The following MYH1 variants were observed in gnomAD, a reference collection of about 807,000 sequenced individuals.
MYH1 encodes myosin heavy chain 1.
A neutral mutation model predicts 225.6 loss-of-function variants in MYH1; 214 were observed. The observed-to-expected ratio is 0.95, with a 90% confidence interval of 0.85 to 1.06. The LOEUF (loss-of-function observed/expected upper bound fraction) is 1.06. MYH1 is among the 50% of genes least tolerant of loss of function. MYH1 has a pLI of 0.00. For missense variants in MYH1, 2,098 were observed against 2,344.2 expected, an observed-to-expected ratio of 0.89 and a Z score of 2.17; for synonymous variants, 774 against 842.3, an observed-to-expected ratio of 0.92 and a Z score of 1.40.
intron 22 of MYH1, among the ~76,000 whole-genome samples, 160 bp from the exon 23 acceptor site, chr17:10,503,408 G>A (rs149393061): frequency 1.4e-4 from 22 of 151,922 alleles, no homozygotes; most frequent in East Asian, 3.9e-4. Context: ...TTATGAGTCC[G>A]GTAATAAAAA....
At chr17:10,498,033 T>C in intron 30 of MYH1, 116 bp from the exon 31 acceptor site, 1 of 1,014,720 alleles carries the variant, frequency 9.9e-7, no homozygotes, top group Non-Finnish European at 1.4e-6. Context: ...TTCTCAAGCT[T>C]GTTTTGTAGG....
At position 10,506,097 on chromosome 17, in the gene MYH1, C is replaced by T. The variant is rs1201642384; in HGVS notation, c.1971G>A (p.Glu657=). 5.0e-6 allele frequency: 8 copies of T among 1,614,182 alleles called. No homozygotes were observed. The highest frequency in any genetic ancestry group is 6.8e-6 in the Non-Finnish European group (8 of 1,180,028). Residue 657 remains glutamate (E), a splice_region_variant and synonymous_variant, in exon 18 of 40, where the codon GAG becomes GAA. Transcript: ENST00000226207. ...AGTTGGTCATCAGCTTATTCAAATT[C>T]TCCTGTGGAACCATGCGAGTTTATA... ...SFQTVSALFR[E]NLNKLMTNLR... is the part of the protein sequence containing the mutation.
chr17:10,515,988 C>T lies in MYH1; in HGVS notation c.443G>A (p.Arg148His), dbSNP rs542085416. The T allele has an allele frequency of 4.6e-5, 75 of 1,614,140 alleles. 1 individual carries two copies. The South Asian group carries it at 5.1e-4, about 11-fold the overall frequency. Residue 148 changes from arginine to histidine, a missense_variant, in exon 5 of 40, where the codon CGC becomes CAC. Physicochemically the swap from Arg to His is conservative, Grantham distance 29. Transcript: ENST00000226207. ...EVVTAYRGKK[R>H]QEAPPHIFSI... ...GAAGATGTGGGGTGGGGCCTCCTGG[C>T]GCTTTTTGCCTCGGTAGGCTGTCAC... is the stretch of plus-strand genomic sequence containing the variant.
chr17:10,511,448 G>T (rs2073169205), intron 14 of MYH1, among the ~76,000 whole-genome samples: 1 of 152,084 alleles, frequency 6.6e-6, no homozygotes, highest in Non-Finnish European at 1.5e-5. Flanking sequence ...TGTTTACTGA[G>T]TGCTGCCTGC....
chr17:10,499,453 T>C (rs573803729), intron 28 of MYH1, among the ~76,000 whole-genome samples: 2 of 152,224 alleles, frequency 1.3e-5, no homozygotes, highest in Non-Finnish European at 2.9e-5. Flanking sequence ...TTGCCTTCCA[T>C]TGAAAGTTGG....
chr17:10,504,661 T>A, intron 22 of MYH1, 149 bp downstream of exon 22: 1 of 955,498 alleles, frequency 1.0e-6, no homozygotes, highest in Non-Finnish European at 1.5e-6. Context: ...TAATATTGTA[T>A]AGGGAATTCT....
Position 10,494,591 on chromosome 17 carries a change from T to C in MYH1, c.5549A>G (p.Lys1850Arg), listed in dbSNP as rs1597433438. ...TACTTGGTAAGTGAGTTCCTTCACTTTTCTCTCATGTTTGCGTAGACCCTT... is the reference window on the plus strand; with the variant it reads ...TACTTGGTAAGTGAGTTCCTTCACTCTTCTCTCATGTTTGCGTAGACCCTT... The part of the protein sequence containing the change: ...AVKGLRKHER[K>R]VKELTYQTEE... The change falls in exon 38 of 40, where the codon AAA (lysine) becomes AGA (arginine). Residue 1850 changes from lysine (K) to arginine (R), a missense_variant. Coordinates refer to ENST00000226207, the MANE Select transcript of MYH1 (RefSeq NM_005963.4). The C allele has an allele frequency of 6.2e-7, 1 of 1,614,032 alleles. No individual in the cohort carries two copies. The highest frequency in any genetic ancestry group is 8.5e-7 in the Non-Finnish European group (1 of 1,179,996).
chr17:10,501,054 T>C, intron 27 of MYH1, 56 bp downstream of exon 27: 5 of 1,593,886 alleles, frequency 3.1e-6, no homozygotes, highest in African/African-American at 1.3e-5. Context: ...CAAATCATAT[T>C]TGTGCTAAAG....
chr17:10,505,563 C>G, intron 19 of MYH1, 52 bp from the exon 20 acceptor site: 1 of 1,597,016 alleles, frequency 6.3e-7, no homozygotes, highest in Non-Finnish European at 8.5e-7. Context: ...GACAAGAAAT[C>G]TTCCTGTCTG....
chr17:10,500,096 A>C (rs1437964048), intron 28 of MYH1, among the ~76,000 whole-genome samples: 5 of 152,198 alleles, frequency 3.3e-5, no homozygotes, highest in African/African-American at 1.2e-4. Context: ...AGTAATTGGC[A>C]AGACTTCAGG....
At chr17:10,495,457 A>G in intron 35 of MYH1, 140 bp from the exon 36 acceptor site, 1 of 1,265,926 alleles carries the variant, frequency 7.9e-7, no homozygotes, top group Admixed American at 2.4e-5. Flanking sequence ...CTGAGTTGAC[A>G]TATGTTTAAA....
At chr17:10,492,846 G>GTAT (rs112227468) in intron 39 of MYH1, among the ~76,000 whole-genome samples, 1 of 146,484 alleles carries the variant, frequency 6.8e-6, no homozygotes, top group East Asian at 2.0e-4. Flanking sequence ...GTCCAGCTTT[G>GTAT]TTTTTTTTTT....
In MYH1 at chr17:10,496,373, G is replaced by A. The variant is rs140601643; in HGVS notation, c.4833C>T (p.Ser1611=). The change falls in exon 34 of 40, where the codon AGC becomes AGT. Residue 1611 remains serine (S), a synonymous_variant. Coordinates refer to ENST00000226207, the MANE Select transcript of MYH1 (RefSeq NM_005963.4). ...MQSTLDAEIR[S]RNDAIRLKKK... Reference sequence around the variant, plus strand: ...TCTTGAGCCTAATGGCATCATTCCTGCTCCTGATCTCAGCATCCAGTGTGC... The same window carrying A: ...TCTTGAGCCTAATGGCATCATTCCTACTCCTGATCTCAGCATCCAGTGTGC... The A allele has an allele frequency of 1.6e-5, 26 of 1,613,964 alleles. No homozygotes were observed. Among genetic ancestry groups the A allele is most frequent in the East Asian group, 8.9e-5 (4 of 44,862 alleles).
rs745836260 is a variant in MYH1 at position 10,496,221 on chromosome 17, C to T, written c.4965+20G>A. ...GCAGGCACCCCAATTGTCCTGGGAT[C>T]ATCTGTTGGACATATTTACCTTGAG... On this transcript the variant is annotated intron_variant, in intron 34 of 39. Coordinates refer to ENST00000226207, the MANE Select transcript of MYH1 (RefSeq NM_005963.4). 7 of 1,614,154 alleles carry T rather than the reference C, an allele frequency of 4.3e-6. No individual in the cohort carries two copies. The highest frequency in any genetic ancestry group is 4.2e-6 in the Non-Finnish European group (5 of 1,180,036).
chr17:10,497,533 G>A, intron 31 of MYH1, 81 bp from the exon 32 acceptor site: 2 of 1,527,482 alleles, frequency 1.3e-6, no homozygotes, highest in Non-Finnish European at 1.7e-6. Context: ...ACCTCTCAGA[G>A]TTGAGGTGTT....
rs1372098778 is a variant in MYH1 at position 10,507,895 on chromosome 17, A to C, written c.1959T>G (p.Ala653=). 1 of 1,613,046 alleles carries C rather than the reference A, an allele frequency of 6.2e-7. No individual in the cohort carries two copies. Among genetic ancestry groups the C allele is most frequent in the Admixed American group, 1.7e-5 (1 of 60,020 alleles). ...KKGSSFQTVS[A]LFRENLNKLM... ...AAAATGAAGTTTGTACCCTGAAGAG[A>C]GCAGACACAGTCTGGAAAGAAGAAC... The change falls in exon 17 of 40, where the codon GCT becomes GCG. Residue 653 remains alanine (A), a synonymous_variant. Coordinates refer to ENST00000226207, the MANE Select transcript of MYH1 (RefSeq NM_005963.4).
In MYH1 at chr17:10,515,984, C is replaced by G; in HGVS notation, c.447G>C (p.Gln149His). 6.2e-7 allele frequency: 1 copy of G among 1,614,154 alleles called. No individual in the cohort carries two copies. The highest frequency in any genetic ancestry group is 8.5e-7 in the Non-Finnish European group (1 of 1,180,022). Residue 149 changes from glutamine to histidine, a missense_variant, in exon 5 of 40, where the codon CAG (glutamine) becomes CAC (histidine). Physicochemically the swap from Gln to His is conservative, Grantham distance 24. Transcript: ENST00000226207. Reference sequence around the variant, plus strand: ...TGGAGAAGATGTGGGGTGGGGCCTCCTGGCGCTTTTTGCCTCGGTAGGCTG... The same window carrying G: ...TGGAGAAGATGTGGGGTGGGGCCTCGTGGCGCTTTTTGCCTCGGTAGGCTG... Reference protein sequence around the residue: ...VVTAYRGKKRQEAPPHIFSIS... With the variant: ...VVTAYRGKKRHEAPPHIFSIS...
Position 10,501,338 on chromosome 17 carries a change from C to T in MYH1, c.3510G>A (p.Lys1170=). The T allele has an allele frequency of 6.2e-7, 1 of 1,614,196 alleles. No homozygotes were observed. Among genetic ancestry groups the T allele is most frequent in the East Asian group, 2.2e-5 (1 of 44,878 alleles). ...ATSAQIEMNK[K]REAEFQKMRR... Reference sequence around the variant, plus strand: ...GCATTTTCTGGAACTCAGCCTCCCGCTTCTTGTTCATCTCAATCTGGGCTG... The same window carrying T: ...GCATTTTCTGGAACTCAGCCTCCCGTTTCTTGTTCATCTCAATCTGGGCTG... The change falls in exon 27 of 40, where the codon AAG becomes AAA. Residue 1170 remains lysine, a synonymous_variant. Transcript: ENST00000226207.
At position 10,495,860 on chromosome 17, in the gene MYH1, TATAA is replaced by T. The variant is rs1234103775; in HGVS notation, c.5169+86_5169+89del. 65 of 1,468,560 alleles carry T rather than the reference TATAA, an allele frequency of 4.4e-5. No homozygotes were observed. The African/African-American group carries it at 5.2e-4, about 12-fold the overall frequency. The allele number at this position is 1,468,560 out of a possible 1,614,324, so 91.0% of individuals were successfully genotyped here. ...TTAAACTTTATCCTTCATGAAATCT[TATAA>T]ATAGATTTCTTAATAGTACCACGAT... is the stretch of plus-strand genomic sequence containing the variant. On this transcript the variant is annotated intron_variant, in intron 35 of 39. Coordinates refer to ENST00000226207, the MANE Select transcript of MYH1 (RefSeq NM_005963.4).
Sources: allele counts gnomAD v4.1 joint callset (sites outside exome capture counted in the v4.1 genomes callset), GRCh38; gene constraint gnomAD v4.1.1; transcripts MANE v1.5; gene names NCBI Gene and HGNC (gene_info 2026-07-23, HGNC 2026-07-21).